Variants in AGBL1 observed in about 807,000 individuals in gnomAD.
AGBL1 encodes AGBL carboxypeptidase 1.
In AGBL1, 130 loss-of-function variants were observed where a neutral mutation model predicts 118.9. The observed-to-expected ratio is 1.09, with a 90% CI of 0.95 to 1.26. The LOEUF is 1.26. Ranked by LOEUF, AGBL1 falls within the 50% of genes most tolerant of loss-of-function variation. The pLI is 0.00. For missense variants in AGBL1, 1,584 were observed against 1,298.1 expected, an observed-to-expected ratio of 1.22 and a Z score of -3.38; for synonymous variants, 555 against 478.9, an observed-to-expected ratio of 1.16 and a Z score of -2.08.
At position 86,703,469 on chromosome 15, in the gene AGBL1, T is replaced by C. The variant is rs113444939; in HGVS notation, c.3158+29033T>C. Among the ~76,000 whole-genome samples, 701 of 152,270 alleles carry C rather than the reference T, an allele frequency of 4.6e-3. 5 individuals are homozygous for C. Among genetic ancestry groups the C allele is most frequent in the African/African-American group, 0.016 (654 of 41,562 alleles). ...AATAATAATAGTACTTCTTTTATAATGTTGATCTAAAGATTAAATGAGAAA... is the reference window on the plus strand; with the variant it reads ...AATAATAATAGTACTTCTTTTATAACGTTGATCTAAAGATTAAATGAGAAA... On this transcript the variant is annotated intron_variant, in intron 22 of 22. Transcript: ENST00000614907.
intron 13 of AGBL1, 62 bp downstream of exon 13, chr15:86,267,138 C>G (rs2079087685): frequency 5.7e-6 from 7 of 1,237,150 alleles, no homozygotes; most frequent in Non-Finnish European, 8.1e-6. Flanking sequence ...CTGTGACTAT[C>G]TCTTCCCCAT....
chr15:86,179,804 C>A (rs2077528078), intron 5 of AGBL1, among the ~76,000 whole-genome samples: 1 of 152,130 alleles, frequency 6.6e-6, no homozygotes, highest in Non-Finnish European at 1.5e-5. Context: ...CCAACGGAAT[C>A]TATACACAAA....
intron 22 of AGBL1, among the ~76,000 whole-genome samples, chr15:86,792,446 G>A (rs1219596252): frequency 2.6e-5 from 4 of 152,140 alleles, no homozygotes; most frequent in Non-Finnish European, 5.9e-5. Flanking sequence ...AATGAACATG[G>A]TCTGTTTAGC....
At chr15:86,088,655 C>T (rs1307376406) in intron 1 of AGBL1, among the ~76,000 whole-genome samples, 3 of 152,162 alleles carry the variant, frequency 2.0e-5, no homozygotes, top group Non-Finnish European at 4.4e-5. Flanking sequence ...GGGTGTGCCA[C>T]TCAAAAAGCG....
chr15:87,023,841 C>G (rs2081695145), intron 24 of AGBL1, among the ~76,000 whole-genome samples: 1 of 151,906 alleles, frequency 6.6e-6, no homozygotes, highest in African/African-American at 2.4e-5. Flanking sequence ...AACTTCAAAG[C>G]CATGCAAATA....
At chr15:86,721,747 C>T (rs1010836424) in intron 22 of AGBL1, among the ~76,000 whole-genome samples, 7 of 152,178 alleles carry the variant, frequency 4.6e-5, no homozygotes, top group Non-Finnish European at 7.3e-5. Context: ...GATTGTATAT[C>T]TAGAAAACCC....
intron 22 of AGBL1, among the ~76,000 whole-genome samples, chr15:86,750,187 A>G (rs2077825549): frequency 6.6e-6 from 1 of 152,074 alleles, no homozygotes; most frequent in Non-Finnish European, 1.5e-5. Flanking sequence ...GCATGTGTGT[A>G]TATATATGTA....
At chr15:86,898,398 G>A (rs566239453) in intron 22 of AGBL1, among the ~76,000 whole-genome samples, 28 of 152,020 alleles carry the variant, frequency 1.8e-4, no homozygotes, top group Non-Finnish European at 3.7e-4. Context: ...GTAAAGAAGG[G>A]GTCCAGCTTC....
intron 23 of AGBL1, among the ~76,000 whole-genome samples, chr15:86,952,175 G>A (rs2080886633): frequency 3.3e-5 from 5 of 151,498 alleles, no homozygotes; most frequent in Non-Finnish European, 7.4e-5. Flanking sequence ...AGTTTGCAGT[G>A]AGCCGAGATC....
chr15:86,811,127 G>C (rs2078782394), intron 22 of AGBL1, among the ~76,000 whole-genome samples: 1 of 152,222 alleles, frequency 6.6e-6, no homozygotes, highest in Non-Finnish European at 1.5e-5. Flanking sequence ...TGTATCTAGA[G>C]TGTGAGAGTC....
chr15:86,434,148 C>A (rs1438674137), intron 18 of AGBL1, among the ~76,000 whole-genome samples: 2 of 152,216 alleles, frequency 1.3e-5, no homozygotes, highest in Non-Finnish European at 2.9e-5. Context: ...AGTTCTCTGA[C>A]CAAATTAACC....
intron 1 of AGBL1, among the ~76,000 whole-genome samples, chr15:86,133,717 A>G (rs941887678): frequency 6.6e-5 from 10 of 152,278 alleles, no homozygotes; most frequent in African/African-American, 2.4e-4. Context: ...ATAAGACTCA[A>G]TGTGTGGTTG....
At chr15:86,723,210 T>G (rs2142727544) in intron 22 of AGBL1, among the ~76,000 whole-genome samples, 1 of 152,326 alleles carries the variant, frequency 6.6e-6, no homozygotes, top group East Asian at 1.9e-4. Flanking sequence ...CATACATATG[T>G]TTATTGTGGC....
At chr15:86,925,631 A>G (rs1416275783) in intron 23 of AGBL1, among the ~76,000 whole-genome samples, 6 of 151,454 alleles carry the variant, frequency 4.0e-5, no homozygotes, top group Admixed American at 3.9e-4. Flanking sequence ...CTGTCCACCA[A>G]ATAGGTGCTG....
intron 21 of AGBL1, among the ~76,000 whole-genome samples, chr15:86,633,789 T>C (rs2085021705): frequency 1.0e-5 from 1 of 95,520 alleles, no homozygotes; most frequent in Non-Finnish European, 2.1e-5. Flanking sequence ...TGTGTGTATA[T>C]ATATATAATG....
chr15:86,091,187 T>G (rs1263311397), intron 1 of AGBL1, among the ~76,000 whole-genome samples: 2 of 152,182 alleles, frequency 1.3e-5, no homozygotes, highest in African/African-American at 4.8e-5. Context: ...ATTATTATTT[T>G]CTTGTTATTG....
chr15:86,683,721 A>G (rs1273157871), intron 22 of AGBL1, among the ~76,000 whole-genome samples: 5 of 151,996 alleles, frequency 3.3e-5, no homozygotes, highest in Non-Finnish European at 5.9e-5. Flanking sequence ...CACTCTTACT[A>G]CTCTCTATAG....
chr15:86,414,426 A>G (rs2081662242), intron 18 of AGBL1, among the ~76,000 whole-genome samples: 1 of 152,146 alleles, frequency 6.6e-6, no homozygotes, highest in South Asian at 2.1e-4. Flanking sequence ...TTGGATGTCT[A>G]AGTGTGCTTT....
At chr15:86,209,870 G>C (rs560294474) in intron 5 of AGBL1, among the ~76,000 whole-genome samples, 2 of 152,100 alleles carry the variant, frequency 1.3e-5, no homozygotes, top group East Asian at 3.9e-4. Flanking sequence ...ACGTTAGCTG[G>C]TTATTTTGCC....
Sources: allele counts gnomAD v4.1 joint callset (sites outside exome capture counted in the v4.1 genomes callset), GRCh38; gene constraint gnomAD v4.1.1; transcripts MANE v1.5; gene names NCBI Gene and HGNC (gene_info 2026-07-23, HGNC 2026-07-21).